RIPOR3: variants seen among roughly 807,000 people sequenced by gnomAD.
RIPOR3 encodes the protein family with sequence similarity 65 member C.
RIPOR3 carries 95 observed loss-of-function variants against 114.3 expected under a neutral mutation model. The observed-to-expected ratio is 0.83, with a 90% confidence interval of 0.70 to 0.99. RIPOR3 has a LOEUF of 0.99. Ranked by LOEUF, RIPOR3 falls within the 50% of genes least tolerant of loss-of-function variation. The pLI, the probability that RIPOR3 is intolerant of heterozygous loss-of-function variation, is 0.00. For missense variants in RIPOR3, 1,252 were observed against 1,266.9 expected, an observed-to-expected ratio of 0.99 and a Z score of 0.18; for synonymous variants, 575 against 543.8, an observed-to-expected ratio of 1.06 and a Z score of -0.80.
At chr20:50,631,200 C>T (rs1276537106) in intron 1 of RIPOR3, among the ~76,000 whole-genome samples, 2 of 152,182 alleles carry the variant, frequency 1.3e-5, no homozygotes, top group African/African-American at 4.8e-5. Context: ...CTCCTCCAGC[C>T]CTCCCTGAGC....
At chr20:50,612,713 T>C (rs2084018634) in intron 4 of RIPOR3, among the ~76,000 whole-genome samples, 2 of 151,748 alleles carry the variant, frequency 1.3e-5, no homozygotes, top group Non-Finnish European at 2.9e-5. Flanking sequence ...GAGGAGGGCG[T>C]CAATCGAGAA....
chr20:50,676,953 G>A (rs2086696734), intron 1 of RIPOR3, among the ~76,000 whole-genome samples: 2 of 152,074 alleles, frequency 1.3e-5, no homozygotes, highest in African/African-American at 2.4e-5. Flanking sequence ...CCAAGCACCA[G>A]CTGCGTGCAC....
intron 20 of RIPOR3, 123 bp downstream of exon 20, chr20:50,589,563 T>G: frequency 1.8e-5 from 18 of 1,019,662 alleles, no homozygotes; most frequent in Non-Finnish European, 1.9e-5. Context: ...CCCAAAGTGC[T>G]GAGATTACAG....
chr20:50,587,416 T>A, intron 21 of RIPOR3, 84 bp from the exon 22 acceptor site: 1 of 1,176,288 alleles, frequency 8.5e-7, no homozygotes, highest in Non-Finnish European at 1.3e-6. Context: ...CCCTAGTGCT[T>A]AGTGACTGTG....
Position 50,630,800 on chromosome 20 carries a change from C to T in RIPOR3, c.60G>A (p.Val20=). 1 of 1,612,166 alleles carries T rather than the reference C, an allele frequency of 6.2e-7. No individual in the cohort carries two copies. Among genetic ancestry groups the T allele is most frequent in the Non-Finnish European group, 8.5e-7 (1 of 1,179,532 alleles). The change falls in exon 2 of 22, where the codon GTG becomes GTA. Residue 20 remains valine, a synonymous_variant. Transcript: ENST00000327979. ...RFLSPGDTGA[V]GVVGRSASFA... ...AGGAGGCGCTCCGGCCCACGACCCC[C>T]ACGGCCCCTGTGTCCCCAGGGGACA... is the stretch of plus-strand genomic sequence containing the variant.
chr20:50,636,168 C>G (rs1046239677), intron 1 of RIPOR3, among the ~76,000 whole-genome samples: 1 of 152,216 alleles, frequency 6.6e-6, no homozygotes, highest in Non-Finnish European at 1.5e-5. Flanking sequence ...ACAGACCTCC[C>G]CCTGGATGAT....
chr20:50,688,570 C>G (rs576985418), intron 1 of RIPOR3, among the ~76,000 whole-genome samples: 4 of 152,296 alleles, frequency 2.6e-5, no homozygotes, highest in Non-Finnish European at 4.4e-5. Context: ...TGACAATCAG[C>G]TTTCACAAGC....
chr20:50,675,383 G>T (rs924118950), intron 1 of RIPOR3, among the ~76,000 whole-genome samples: 4 of 152,198 alleles, frequency 2.6e-5, no homozygotes, highest in Non-Finnish European at 4.4e-5. Flanking sequence ...TGCATCATAT[G>T]TGTGAATTCA....
At chr20:50,598,344 T>C (rs1190860883) in intron 13 of RIPOR3, among the ~76,000 whole-genome samples, 1 of 151,934 alleles carries the variant, frequency 6.6e-6, no homozygotes, top group Non-Finnish European at 1.5e-5. Context: ...GCTCCCTCCC[T>C]GGAGATTTCT....
At chr20:50,656,126 G>C (rs1375161041) in intron 1 of RIPOR3, among the ~76,000 whole-genome samples, 1 of 151,976 alleles carries the variant, frequency 6.6e-6, no homozygotes, top group Non-Finnish European at 1.5e-5. Flanking sequence ...TCCTGCCTCA[G>C]CCTCCTGAGC....
In RIPOR3 at chr20:50,655,669, C is replaced by CTGTGTG. The variant is rs11469999; in HGVS notation, c.4-24819_4-24814dup. 1.4e-3 allele frequency among the ~76,000 whole-genome samples: 197 copies of CTGTGTG among 145,282 alleles called. 1 individual carries two copies. Among genetic ancestry groups the CTGTGTG allele is most frequent in the Middle Eastern group, 3.6e-3 (1 of 280 alleles). On this transcript the variant is annotated intron_variant, in intron 1 of 21. Transcript: ENST00000327979. Reference sequence around the variant, plus strand: ...TCCCTCCTGTCTCGGTTAGCGTGGGCTGTGTGTGTGTGTGTGTGTGTGTGT... The same window carrying CTGTGTG: ...TCCCTCCTGTCTCGGTTAGCGTGGGCTGTGTGTGTGTGTGTGTGTGTGTGTGTGTGT...
At chr20:50,660,678 C>G (rs193005872) in intron 1 of RIPOR3, among the ~76,000 whole-genome samples, 2 of 152,178 alleles carry the variant, frequency 1.3e-5, no homozygotes, top group Admixed American at 1.3e-4. Flanking sequence ...CAGCACTACC[C>G]CCGAACTTTC....
rs375533363 is a variant in RIPOR3 at position 50,620,036 on chromosome 20, C to T, written c.219G>A (p.Pro73=). The change falls in exon 3 of 22, where the codon CCG becomes CCA. Residue 73 remains proline, a synonymous_variant. Transcript: ENST00000327979. The part of the protein sequence containing the change: ...TLRKGSVCAD[P]KPQQVKKIFE... Reference sequence around the variant, plus strand: ...AGATCTTCTTCACCTGCTGGGGCTTCGGGTCTGCACAGACCGACCCCTTCC... The same window carrying T: ...AGATCTTCTTCACCTGCTGGGGCTTTGGGTCTGCACAGACCGACCCCTTCC... 5.3e-5 allele frequency: 85 copies of T among 1,613,518 alleles called. No homozygotes were observed. Among genetic ancestry groups the T allele is most frequent in the Admixed American group, 1.0e-4 (6 of 59,998 alleles).
At chr20:50,589,215 C>G (rs1004577008) in intron 20 of RIPOR3, among the ~76,000 whole-genome samples, 1 of 151,008 alleles carries the variant, frequency 6.6e-6, no homozygotes, top group Non-Finnish European at 1.5e-5. Flanking sequence ...CACCCACAAA[C>G]TTTTAAAAGA....
chr20:50,604,046 G>C (rs1341538507), intron 12 of RIPOR3, among the ~76,000 whole-genome samples: 1 of 152,134 alleles, frequency 6.6e-6, no homozygotes. Context: ...GCCAGATGTG[G>C]TGGCGTGTGC....
chr20:50,596,369 T>C (rs936870366), intron 14 of RIPOR3, 106 bp from the exon 15 acceptor site: 1 of 1,496,628 alleles, frequency 6.7e-7, no homozygotes, highest in East Asian at 2.3e-5. Flanking sequence ...GGAGGCCCAC[T>C]CCAGGTCCCA....
chr20:50,589,617 T>C, intron 20 of RIPOR3, 69 bp downstream of exon 20: 2 of 1,514,774 alleles, frequency 1.3e-6, no homozygotes, highest in South Asian at 2.3e-5. Context: ...ATTTTGAAGT[T>C]AACTAACCTT....
chr20:50,651,330 C>T (rs754024478), intron 1 of RIPOR3, among the ~76,000 whole-genome samples: 4 of 152,180 alleles, frequency 2.6e-5, no homozygotes, highest in South Asian at 2.1e-4. Flanking sequence ...AGAACTCAGC[C>T]GGACCAACAT....
At chr20:50,662,740 G>T (rs985160782) in intron 1 of RIPOR3, among the ~76,000 whole-genome samples, 8 of 152,196 alleles carry the variant, frequency 5.3e-5, no homozygotes, top group African/African-American at 1.9e-4. Flanking sequence ...GTGACACGGG[G>T]GAAGTCAATT....
Sources: gnomAD v4.1 joint callset for allele counts (sites outside exome capture counted in the v4.1 genomes callset) on GRCh38, gnomAD v4.1.1 for gene constraint, MANE v1.5 for transcripts, NCBI Gene and HGNC (gene_info 2026-07-23, HGNC 2026-07-21) for gene names.